Variants in VAV3 observed in about 807,000 individuals in gnomAD.
VAV3 encodes the protein vav guanine nucleotide exchange factor 3.
Under a neutral mutation model 131.2 loss-of-function variants are expected in VAV3, and 94 were observed. The ratio of observed to expected loss-of-function variants is 0.72; its 90% CI spans 0.61 to 0.85. The LOEUF (loss-of-function observed/expected upper bound fraction) is 0.85, where lower values mean the gene tolerates loss of function less well. Ranked by LOEUF, VAV3 falls within the 40% of genes least tolerant of loss-of-function variation. The pLI is 0.00. For missense variants in VAV3, 939 were observed against 1,002.7 expected (o/e 0.94, Z 0.86); for synonymous variants, 349 against 342.0 (o/e 1.02, Z -0.22).
At chr1:107,703,830 C>T (rs2494068) in intron 17 of VAV3, among the ~76,000 whole-genome samples, 57,553 of 151,516 alleles carry the variant, frequency 0.38, 11,269 homozygotes, top group African/African-American at 0.45. Flanking sequence ...CAGAGAAACT[C>T]GGGGGAAAAG....
chr1:107,592,043 A>C (rs1651002633), intron 25 of VAV3, among the ~76,000 whole-genome samples: 1 of 149,550 alleles, frequency 6.7e-6, no homozygotes, highest in Non-Finnish European at 1.5e-5. Context: ...ACACACACAC[A>C]TATATATACA....
intron 1 of VAV3, among the ~76,000 whole-genome samples, chr1:107,939,097 G>T (rs1673860240): frequency 6.6e-6 from 1 of 152,156 alleles, no homozygotes; most frequent in Admixed American, 6.5e-5. Context: ...GGTTCTGGGG[G>T]CTGCCCAATT....
intron 11 of VAV3, among the ~76,000 whole-genome samples, chr1:107,756,600 G>A (rs1664112063): frequency 6.6e-6 from 1 of 151,842 alleles, no homozygotes; most frequent in African/African-American, 2.4e-5. Context: ...ATTTGCCTAC[G>A]CTTTAAGTTA....
At chr1:107,753,499 CAT>C (rs1234486872) in intron 12 of VAV3, among the ~76,000 whole-genome samples, 3 of 95,510 alleles carry the variant, frequency 3.1e-5, no homozygotes, top group African/African-American at 1.2e-4. Flanking sequence ...TATATACACA[CAT>C]ATATATACAC....
At chr1:107,587,780 C>T (rs567350121) in intron 25 of VAV3, among the ~76,000 whole-genome samples, 7 of 152,136 alleles carry the variant, frequency 4.6e-5, no homozygotes, top group South Asian at 2.1e-4. Flanking sequence ...TTAGTAGAGA[C>T]GGGGTTTCAC....
chr1:107,775,185 C>T (rs1411874082), intron 4 of VAV3, among the ~76,000 whole-genome samples: 1 of 150,160 alleles, frequency 6.7e-6, no homozygotes, highest in Non-Finnish European at 1.5e-5. Flanking sequence ...TGCATCCTCA[C>T]TGGATTTATC....
chr1:107,690,318 G>A (rs1659337109), intron 17 of VAV3, among the ~76,000 whole-genome samples: 1 of 152,110 alleles, frequency 6.6e-6, no homozygotes, highest in Non-Finnish European at 1.5e-5. Context: ...CCCAGGAAGA[G>A]GAAACAATGG....
At chr1:107,725,666 C>G (rs1570835402) in intron 15 of VAV3, among the ~76,000 whole-genome samples, 1 of 152,106 alleles carries the variant, frequency 6.6e-6, no homozygotes, top group African/African-American at 2.4e-5. Flanking sequence ...AGACATGTGC[C>G]ACCACACCAG....
At chr1:107,642,848 A>C in intron 19 of VAV3, 93 bp from the exon 20 acceptor site, 1 of 1,543,082 alleles carries the variant, frequency 6.5e-7, no homozygotes, top group Non-Finnish European at 8.8e-7. Context: ...TTAACATTAA[A>C]AAGTGTTAAT....
chr1:107,746,124 T>C (rs1326527819), intron 15 of VAV3, among the ~76,000 whole-genome samples: 1 of 152,222 alleles, frequency 6.6e-6, no homozygotes, highest in Non-Finnish European at 1.5e-5. Context: ...GATTTACCTA[T>C]ATTATTCTAT....
intron 15 of VAV3, among the ~76,000 whole-genome samples, chr1:107,735,393 C>T (rs1258196871): frequency 6.6e-6 from 1 of 152,004 alleles, no homozygotes; most frequent in Non-Finnish European, 1.5e-5. Flanking sequence ...CACAAAAAAC[C>T]CTTCAAAAAA....
intron 20 of VAV3, among the ~76,000 whole-genome samples, chr1:107,618,137 C>T (rs1256421563): frequency 1.6e-4 from 25 of 152,152 alleles, no homozygotes; most frequent in Admixed American, 1.6e-3. Context: ...GGAGGGGGAA[C>T]TCAGGTAGTA....
At chr1:107,796,443 ATG>A (rs1666550307) in intron 2 of VAV3, among the ~76,000 whole-genome samples, 1 of 152,166 alleles carries the variant, frequency 6.6e-6, no homozygotes. Context: ...ACTGGGGCCA[ATG>A]TACTTGACTG....
chr1:107,627,904 A>G (rs1654148960), intron 20 of VAV3, among the ~76,000 whole-genome samples: 1 of 152,220 alleles, frequency 6.6e-6, no homozygotes, highest in Non-Finnish European at 1.5e-5. Flanking sequence ...TATTCATTCC[A>G]GACCTATGGA....
At chr1:107,911,060 A>G (rs191136571) in intron 1 of VAV3, among the ~76,000 whole-genome samples, 14 of 152,280 alleles carry the variant, frequency 9.2e-5, no homozygotes, top group African/African-American at 3.4e-4. Context: ...ACCACCAGAC[A>G]AATAAAATGT....
intron 17 of VAV3, among the ~76,000 whole-genome samples, chr1:107,696,473 C>T (rs1277983953): frequency 6.6e-6 from 1 of 152,144 alleles, no homozygotes; most frequent in South Asian, 2.1e-4. Flanking sequence ...CCTTTCACGC[C>T]AACTATGCAA....
chr1:107,910,106 T>G (rs1389278540), intron 1 of VAV3, among the ~76,000 whole-genome samples: 1 of 152,166 alleles, frequency 6.6e-6, no homozygotes, highest in Non-Finnish European at 1.5e-5. Context: ...TTATCCTCAT[T>G]TTACAGAAGA....
chr1:107,738,037 T>C (rs888715094), intron 15 of VAV3, among the ~76,000 whole-genome samples: 1 of 152,230 alleles, frequency 6.6e-6, no homozygotes, highest in Admixed American at 6.5e-5. Context: ...TAAAAAAGGA[T>C]GAGTTCATGT....
At chr1:107,695,095 CA>C (rs1659664087) in intron 17 of VAV3, among the ~76,000 whole-genome samples, 1 of 151,946 alleles carries the variant, frequency 6.6e-6, no homozygotes, top group South Asian at 2.1e-4. Context: ...TGTAGATACA[CA>C]GACATAAAAA....
Sources: allele counts gnomAD v4.1 joint callset (sites outside exome capture counted in the v4.1 genomes callset), GRCh38; gene constraint gnomAD v4.1.1; transcripts MANE v1.5; gene names NCBI Gene and HGNC (gene_info 2026-07-23, HGNC 2026-07-21).